The following MYRIP variants were observed in gnomAD, a reference collection of about 807,000 sequenced individuals.
The protein encoded by MYRIP is rab effector MyRIP.
A neutral mutation model predicts 98.0 loss-of-function variants in MYRIP; 49 were observed. That is an observed-to-expected ratio of 0.50 (90% CI 0.40 to 0.63). MYRIP has a LOEUF of 0.63. Among genes scored for constraint, MYRIP ranks in the 30% least tolerant of loss-of-function variants. MYRIP has a pLI of 0.00. For synonymous variants in MYRIP, 404 were observed against 409.5 expected (o/e 0.99, Z 0.16); for missense variants, 1,004 against 1,058.2 (o/e 0.95, Z 0.71).
intron 1 of MYRIP, among the ~76,000 whole-genome samples, chr3:39,838,501 T>C (rs1471619145): frequency 6.6e-6 from 1 of 152,232 alleles, no homozygotes; most frequent in Non-Finnish European, 1.5e-5. Context: ...GTTTATGTGA[T>C]GGATTACGTT....
At chr3:39,818,333 AGT>A (rs1302747797) in intron 1 of MYRIP, among the ~76,000 whole-genome samples, 1 of 152,224 alleles carries the variant, frequency 6.6e-6, no homozygotes, top group Non-Finnish European at 1.5e-5. Flanking sequence ...ATTCAATAAC[AGT>A]GCTAGTTTCT....
intron 3 of MYRIP, among the ~76,000 whole-genome samples, chr3:40,080,613 TATC>T (rs1948453136): frequency 6.6e-6 from 1 of 151,986 alleles, no homozygotes; most frequent in Non-Finnish European, 1.5e-5. Flanking sequence ...TTATTTATAA[TATC>T]ATCTTATTCT....
At chr3:40,207,144 A>T (rs2693476) in intron 10 of MYRIP, among the ~76,000 whole-genome samples, 2 of 151,980 alleles carry the variant, frequency 1.3e-5, no homozygotes, top group African/African-American at 2.4e-5. Flanking sequence ...AACGCTCTGC[A>T]GACTGACCCA....
intron 3 of MYRIP, among the ~76,000 whole-genome samples, chr3:40,146,709 A>G (rs997434067): frequency 1.3e-5 from 2 of 152,130 alleles, no homozygotes. Context: ...GAATACACAC[A>G]CACAAATGCA....
chr3:40,246,174 GT>G (rs1319439538), intron 13 of MYRIP, among the ~76,000 whole-genome samples: 6 of 149,396 alleles, frequency 4.0e-5, no homozygotes, highest in African/African-American at 1.2e-4. Context: ...ATTTTAGAGG[GT>G]TTTTTTTTCG....
At chr3:39,934,487 A>C (rs1225134667) in intron 2 of MYRIP, among the ~76,000 whole-genome samples, 4 of 152,088 alleles carry the variant, frequency 2.6e-5, no homozygotes, top group Non-Finnish European at 5.9e-5. Flanking sequence ...CCAGCATGCT[A>C]TGCAAGCAGA....
chr3:40,028,384 C>A (rs530722308), intron 2 of MYRIP, among the ~76,000 whole-genome samples: 1 of 152,292 alleles, frequency 6.6e-6, no homozygotes, highest in Admixed American at 6.5e-5. Context: ...AGTGCTCAAG[C>A]AACAAATAAG....
chr3:40,045,539 G>A (rs1947653117), intron 3 of MYRIP, among the ~76,000 whole-genome samples: 1 of 152,160 alleles, frequency 6.6e-6, no homozygotes, highest in South Asian at 2.1e-4. Context: ...GTTCATCCAT[G>A]CCTTCTATTT....
At chr3:40,093,834 C>A (rs1948774152) in intron 3 of MYRIP, among the ~76,000 whole-genome samples, 2 of 152,224 alleles carry the variant, frequency 1.3e-5, no homozygotes, top group African/African-American at 4.8e-5. Flanking sequence ...CAGAGGCAAT[C>A]ATCTATGCTT....
In MYRIP at chr3:40,190,234, C is replaced by A; in HGVS notation, c.1436C>A (p.Ala479Asp). 6.2e-7 allele frequency: 1 copy of A among 1,614,058 alleles called. No individual in the cohort carries two copies. The highest frequency in any genetic ancestry group is 1.1e-5 in the South Asian group (1 of 91,072). The stretch of plus-strand genomic sequence containing the variant: ...AGACTGTCCTGGTTGCAGAGGAAGG[C>A]CCCCAGGAACCCTGCAGCTGAGAAG... Reference protein sequence around the residue: ...QARLSWLQRKAPRNPAAEKMR... With the variant: ...QARLSWLQRKDPRNPAAEKMR... The change falls in exon 10 of 17, where the codon GCC becomes GAC. Residue 479 changes from alanine to aspartate, a missense_variant. Coordinates refer to ENST00000302541, the MANE Select transcript of MYRIP (RefSeq NM_015460.4).
At chr3:39,941,865 T>A (rs748981492) in intron 2 of MYRIP, among the ~76,000 whole-genome samples, 3 of 152,158 alleles carry the variant, frequency 2.0e-5, no homozygotes, top group Non-Finnish European at 4.4e-5. Flanking sequence ...AAAGTAGAAT[T>A]ACTAGCTTAC....
chr3:40,156,709 A>G (rs1380028256), intron 4 of MYRIP, among the ~76,000 whole-genome samples: 10 of 151,322 alleles, frequency 6.6e-5, no homozygotes, highest in South Asian at 2.1e-4. Flanking sequence ...GGTCCTTCAC[A>G]TCCCTTGTAA....
chr3:40,015,199 C>CA (rs1946835127), intron 2 of MYRIP, among the ~76,000 whole-genome samples: 1 of 152,120 alleles, frequency 6.6e-6, no homozygotes, highest in Non-Finnish European at 1.5e-5. Context: ...TGAGGAATCT[C>CA]AGAGTTCTAA....
intron 2 of MYRIP, among the ~76,000 whole-genome samples, chr3:40,025,450 G>A (rs139624302): frequency 2.0e-5 from 3 of 151,908 alleles, no homozygotes; most frequent in East Asian, 1.9e-4. Flanking sequence ...CAAACTAAAC[G>A]CAAAGTATAC....
intron 1 of MYRIP, among the ~76,000 whole-genome samples, chr3:39,834,367 A>G (rs1941559893): frequency 6.6e-6 from 1 of 152,258 alleles, no homozygotes; most frequent in Admixed American, 6.5e-5. Flanking sequence ...CAGAGTAGTT[A>G]GATATTTTGC....
intron 2 of MYRIP, among the ~76,000 whole-genome samples, chr3:39,937,004 C>T (rs1050973186): frequency 3.9e-5 from 6 of 152,290 alleles, no homozygotes; most frequent in Middle Eastern, 3.4e-3. Context: ...AGGTAGGTCA[C>T]TGATCCAAAG....
intron 3 of MYRIP, among the ~76,000 whole-genome samples, chr3:40,115,876 G>T (rs1457345390): frequency 6.6e-6 from 1 of 151,798 alleles, no homozygotes; most frequent in African/African-American, 2.4e-5. Flanking sequence ...CTCCAAGTGG[G>T]CTTCCGTAAG....
chr3:39,943,903 G>A (rs9840385), intron 2 of MYRIP, among the ~76,000 whole-genome samples: 10,202 of 152,094 alleles, frequency 0.067, 612 homozygotes, highest in East Asian at 0.25. Flanking sequence ...GCTTTATAGT[G>A]GTAGGGTGTG....
At chr3:39,887,613 G>A (rs1343967630) in intron 1 of MYRIP, among the ~76,000 whole-genome samples, 4 of 152,066 alleles carry the variant, frequency 2.6e-5, no homozygotes, top group African/African-American at 9.7e-5. Flanking sequence ...TTTGAAAACT[G>A]GCACAAGACA....
Sources: allele counts gnomAD v4.1 joint callset (sites outside exome capture counted in the v4.1 genomes callset), GRCh38; gene constraint gnomAD v4.1.1; transcripts MANE v1.5; gene names NCBI Gene and HGNC (gene_info 2026-07-23, HGNC 2026-07-21).